Variants in LCP1 observed in about 807,000 individuals in gnomAD.
The protein encoded by LCP1 is lymphocyte cytosolic protein 1.
Under a neutral mutation model 72.0 loss-of-function variants are expected in LCP1, and 23 were observed. The ratio of observed to expected loss-of-function variants is 0.32; its 90% confidence interval spans 0.23 to 0.45. LCP1 has a LOEUF of 0.45. LCP1 is among the 20% of genes least tolerant of loss of function. LCP1 has a pLI of 1.00. For synonymous variants in LCP1, 245 were observed against 275.4 expected, an observed-to-expected ratio of 0.89 and a Z score of 1.09; for missense variants, 571 against 748.3, an observed-to-expected ratio of 0.76 and a Z score of 2.76.
intron 15 of LCP1, among the ~76,000 whole-genome samples, chr13:46,128,749 G>C (rs901903606): frequency 5.9e-5 from 9 of 152,106 alleles, no homozygotes; most frequent in Admixed American, 2.6e-4. Flanking sequence ...AATGATAATA[G>C]CTGCATCAGA....
Position 46,151,921 on chromosome 13 carries a change from A to G in LCP1, c.740-843T>C, listed in dbSNP as rs531524084. ...AAGCCAGGGGGCTGTCACTGTTTAC[A>G]TACAGATAAGATGGTGAGAGAAGAC... On this transcript the variant is annotated intron_variant, in intron 7 of 15. Transcript: ENST00000323076. Among the ~76,000 whole-genome samples the G allele has an allele frequency of 2.6e-5, 4 of 152,356 alleles. No homozygotes were observed. In the South Asian group the frequency reaches 8.3e-4, roughly 32 times the overall value.
At chr13:46,157,053 C>T (rs574455160) in intron 4 of LCP1, among the ~76,000 whole-genome samples, 2 of 151,988 alleles carry the variant, frequency 1.3e-5, no homozygotes, top group South Asian at 4.2e-4. Flanking sequence ...ATTTCCTGAC[C>T]TCGTGATCTG....
intron 13 of LCP1, among the ~76,000 whole-genome samples, chr13:46,136,113 A>ACAC: frequency 6.8e-6 from 1 of 146,358 alleles, no homozygotes; most frequent in African/African-American, 2.5e-5. Context: ...ACACACACAC[A>ACAC]AAGACCTATA....
At chr13:46,161,607 CCTCT>C (rs1566443172) in intron 1 of LCP1, among the ~76,000 whole-genome samples, 1 of 152,100 alleles carries the variant, frequency 6.6e-6, no homozygotes, top group Non-Finnish European at 1.5e-5. Context: ...TTCCTTCCTT[CCTCT>C]CTTTCTTTTT....
Position 46,127,501 on chromosome 13 carries a change from G to T in LCP1, c.*90C>A. On this transcript the variant is annotated 3_prime_UTR_variant, in exon 16 of 16. Coordinates refer to ENST00000323076, the MANE Select transcript of LCP1 (RefSeq NM_002298.5). ...GAATCTTATAGAGTGTCACCAAGTTGAACTTTGGAATGGCTTGAATCATCC... is the reference window on the plus strand; with the variant it reads ...GAATCTTATAGAGTGTCACCAAGTTTAACTTTGGAATGGCTTGAATCATCC... 1 of 1,510,214 alleles carries T rather than the reference G, an allele frequency of 6.6e-7. No homozygotes were observed. Among genetic ancestry groups the T allele is most frequent in the Non-Finnish European group, 9.0e-7 (1 of 1,105,140 alleles). 93.6% of individuals were successfully genotyped at this position (1,510,214 alleles called of 1,614,324 possible). A position where few individuals can be genotyped will look rare whatever the true frequency, so the allele number is the denominator to read the frequency against.
At chr13:46,176,820 CAAG>C (rs2045932842) in intron 1 of LCP1, among the ~76,000 whole-genome samples, 1 of 151,624 alleles carries the variant, frequency 6.6e-6, no homozygotes, top group Non-Finnish European at 1.5e-5. Flanking sequence ...CTTATCCAGT[CAAG>C]AAGGAGTGTG....
intron 13 of LCP1, among the ~76,000 whole-genome samples, chr13:46,135,108 C>CAAAAA (rs11438431): frequency 1.0e-5 from 1 of 97,130 alleles, no homozygotes; most frequent in Non-Finnish European, 2.0e-5. Flanking sequence ...GACTCTGTCT[C>CAAAAA]AAAAAAAAAA....
At position 46,139,973 on chromosome 13, in the gene LCP1, G is replaced by A. The variant is rs141028824; in HGVS notation, c.1502+2319C>T. Among the ~76,000 whole-genome samples the A allele has an allele frequency of 2.0e-5, 3 of 152,254 alleles. No individual in the cohort carries two copies. The East Asian group carries it at 5.8e-4, about 29-fold the overall frequency. On this transcript the variant is annotated intron_variant, in intron 13 of 15. Transcript: ENST00000323076. ...ATGTTGTTCAGACATCAGACAATAG[G>A]AAGCACAGGACAGTGGCCCCTGAAA...
In LCP1 at chr13:46,163,266, G is replaced by C. The variant is rs552956667; in HGVS notation, c.-24-3580C>G. ...GTCTGTGTAGAAAGAAGTAGACATA[G>C]GAGGCTCCATTTTGTTCTGTATTAA... On this transcript the variant is annotated intron_variant, in intron 1 of 15. Transcript: ENST00000323076. Among the ~76,000 whole-genome samples, 14 of 152,344 alleles carry C rather than the reference G, an allele frequency of 9.2e-5. No homozygotes were observed. The South Asian group carries it at 1.2e-3, about 14-fold the overall frequency.
intron 1 of LCP1, among the ~76,000 whole-genome samples, chr13:46,162,905 C>T (rs1177186411): frequency 6.7e-6 from 1 of 149,266 alleles, no homozygotes; most frequent in Non-Finnish European, 1.5e-5. Flanking sequence ...CCCCTCCGCC[C>T]GGCAGCCGCC....
chr13:46,171,501 A>G (rs1216642220), intron 1 of LCP1, among the ~76,000 whole-genome samples: 1 of 152,192 alleles, frequency 6.6e-6, no homozygotes, highest in Non-Finnish European at 1.5e-5. Flanking sequence ...CAAGAACACA[A>G]CCAGGCTTGA....
chr13:46,135,579 A>G (rs2138222603), intron 13 of LCP1, among the ~76,000 whole-genome samples: 1 of 152,296 alleles, frequency 6.6e-6, no homozygotes, highest in Non-Finnish European at 1.5e-5. Flanking sequence ...GAAGAGAGGA[A>G]GGAAAATGGC....
chr13:46,148,572 AC>A (rs2045744560), intron 8 of LCP1, 125 bp from the exon 9 acceptor site: 2 of 686,912 alleles, frequency 2.9e-6, no homozygotes, highest in Admixed American at 5.3e-5. Context: ...ATGTAACTTA[AC>A]AAAGCTAGAA....
intron 13 of LCP1, among the ~76,000 whole-genome samples, chr13:46,135,474 A>C (rs1162405633): frequency 1.3e-5 from 2 of 152,212 alleles, no homozygotes; most frequent in Non-Finnish European, 2.9e-5. Flanking sequence ...TGGACAGTAC[A>C]GTTCTCCCGT....
intron 1 of LCP1, among the ~76,000 whole-genome samples, chr13:46,161,352 A>T (rs946622757): frequency 6.6e-6 from 1 of 152,210 alleles, no homozygotes; most frequent in Non-Finnish European, 1.5e-5. Flanking sequence ...TTAAAAATAT[A>T]TTTTTGATAT....
At chr13:46,168,036 A>G (rs1000381224) in intron 1 of LCP1, among the ~76,000 whole-genome samples, 2 of 152,194 alleles carry the variant, frequency 1.3e-5, no homozygotes, top group East Asian at 1.9e-4. Context: ...AAAATACCTA[A>G]AGCAGCCCAG....
At chr13:46,143,928 TG>T (rs1274429293) in intron 11 of LCP1, among the ~76,000 whole-genome samples, 3 of 152,052 alleles carry the variant, frequency 2.0e-5, no homozygotes, top group Non-Finnish European at 4.4e-5. Context: ...TAGCCAGGCA[TG>T]GTGGCAGGTG....
chr13:46,134,997 T>C (rs2045655615), intron 13 of LCP1, among the ~76,000 whole-genome samples: 1 of 150,602 alleles, frequency 6.6e-6, no homozygotes, highest in African/African-American at 2.4e-5. Context: ...TAGTCCCAGC[T>C]ACTAGGGAGG....
chr13:46,158,298 T>C (rs897431413), intron 4 of LCP1, among the ~76,000 whole-genome samples: 1 of 152,236 alleles, frequency 6.6e-6, no homozygotes, highest in Admixed American at 6.5e-5. Flanking sequence ...CAGCCTTTAA[T>C]GATTGTTTAA....
Sources: allele counts gnomAD v4.1 joint callset (sites outside exome capture counted in the v4.1 genomes callset), GRCh38; gene constraint gnomAD v4.1.1; transcripts MANE v1.5; gene names NCBI Gene and HGNC (gene_info 2026-07-23, HGNC 2026-07-21).